Variants in HHAT observed in about 807,000 individuals in gnomAD.
The protein encoded by HHAT is hedgehog acyltransferase, also known as protein-cysteine N-palmitoyltransferase HHAT.
A neutral mutation model predicts 70.8 loss-of-function variants in HHAT; 47 were observed. The ratio of observed to expected loss-of-function variants is 0.66; its 90% CI spans 0.53 to 0.85. The LOEUF is 0.85. Among genes scored for constraint, HHAT ranks in the 40% least tolerant of loss-of-function variants. HHAT has a pLI of 0.00. For synonymous variants in HHAT, 228 were observed against 247.6 expected (o/e 0.92, Z 0.74); for missense variants, 609 against 604.8 (o/e 1.01, Z -0.07).
chr1:210,507,096 C>G (rs1288616916), intron 8 of HHAT, among the ~76,000 whole-genome samples: 1 of 152,098 alleles, frequency 6.6e-6, no homozygotes, highest in Non-Finnish European at 1.5e-5. Context: ...GGAAAAAGCA[C>G]AGACATTGGT....
rs1017346354 is a variant in HHAT at position 210,675,712 on chromosome 1, C to G, written c.*1333C>G. On this transcript the variant is annotated 3_prime_UTR_variant, in exon 12 of 12. Coordinates refer to ENST00000261458, the MANE Select transcript of HHAT (RefSeq NM_018194.6). ...AGTACAGGACCATTTTGTTGATTGT[C>G]TTTCTTCATAGCTTCTCTGCTTGGC... 6.6e-6 allele frequency: 1 copy of G among 152,120 alleles called. No individual in the cohort carries two copies. The highest frequency in any genetic ancestry group is 2.4e-5 in the African/African-American group (1 of 41,406). 9.4% of individuals were successfully genotyped at this position (152,120 alleles called of 1,614,324 possible). A position where few individuals can be genotyped will look rare whatever the true frequency, so the allele number is the denominator to read the frequency against.
intron 10 of HHAT, among the ~76,000 whole-genome samples, chr1:210,611,875 A>G (rs982537184): frequency 1.3e-5 from 2 of 152,146 alleles, no homozygotes; most frequent in Admixed American, 1.3e-4. Context: ...TGTGGTGCAT[A>G]AGCTTTTTGA....
intron 11 of HHAT, among the ~76,000 whole-genome samples, chr1:210,624,611 C>G (rs1368023780): frequency 6.6e-6 from 1 of 152,156 alleles, no homozygotes; most frequent in Non-Finnish European, 1.5e-5. Context: ...AATAGATAAT[C>G]TGAATATCCA....
chr1:210,565,200 G>A (rs114139217), intron 9 of HHAT, among the ~76,000 whole-genome samples: 8,990 of 152,172 alleles, frequency 0.059, 844 homozygotes, highest in African/African-American at 0.2. Flanking sequence ...GACATGTGCC[G>A]ATGGTGATAA....
intron 11 of HHAT, among the ~76,000 whole-genome samples, chr1:210,664,255 G>C (rs958512788): frequency 3.3e-5 from 5 of 152,336 alleles, no homozygotes; most frequent in African/African-American, 1.2e-4. Context: ...TGCAGGCTTA[G>C]GGCCATTTGA....
At chr1:210,614,811 T>C (rs1382889408) in intron 10 of HHAT, among the ~76,000 whole-genome samples, 2 of 152,252 alleles carry the variant, frequency 1.3e-5, no homozygotes, top group African/African-American at 4.8e-5. Flanking sequence ...CAGCCTATCA[T>C]TGTTGGACAT....
intron 4 of HHAT, among the ~76,000 whole-genome samples, chr1:210,395,744 A>G (rs926644022): frequency 4.6e-5 from 7 of 152,196 alleles, no homozygotes; most frequent in African/African-American, 1.7e-4. Context: ...AGGTTTTCAC[A>G]TTATTGGGTT....
At chr1:210,528,365 GAGTGATGGGCAC>G (rs1273761521) in intron 9 of HHAT, among the ~76,000 whole-genome samples, 1 of 152,220 alleles carries the variant, frequency 6.6e-6, no homozygotes, top group Non-Finnish European at 1.5e-5. Flanking sequence ...CGGGCGCTAA[GAGTGATGGGCAC>G]AGTGAGGCTG....
At chr1:210,641,891 C>T (rs760209821) in intron 11 of HHAT, among the ~76,000 whole-genome samples, 1 of 152,256 alleles carries the variant, frequency 6.6e-6, no homozygotes, top group Non-Finnish European at 1.5e-5. Flanking sequence ...ACCCTTCTTA[C>T]ACCCTCTTCC....
chr1:210,417,814 A>G (rs531660453), intron 6 of HHAT, among the ~76,000 whole-genome samples: 12 of 152,212 alleles, frequency 7.9e-5, no homozygotes, highest in African/African-American at 2.9e-4. Flanking sequence ...CCGAAACTCC[A>G]AATTCCCAGT....
At chr1:210,386,654 G>C (rs1420935385) in intron 3 of HHAT, among the ~76,000 whole-genome samples, 1 of 152,126 alleles carries the variant, frequency 6.6e-6, no homozygotes, top group Non-Finnish European at 1.5e-5. Flanking sequence ...CCTGTTTCAG[G>C]GTGACCGATG....
chr1:210,576,413 C>A (rs1657754649), intron 9 of HHAT, among the ~76,000 whole-genome samples: 1 of 151,512 alleles, frequency 6.6e-6, no homozygotes, highest in South Asian at 2.1e-4. Flanking sequence ...CCAAAAGTTT[C>A]CCTGTACCCC....
At chr1:210,333,744 G>A (rs758336248) in intron 1 of HHAT, among the ~76,000 whole-genome samples, 10 of 151,502 alleles carry the variant, frequency 6.6e-5, no homozygotes, top group Middle Eastern at 6.8e-3. Flanking sequence ...TGCAACCTTC[G>A]CCTCCCGAGT....
intron 3 of HHAT, among the ~76,000 whole-genome samples, chr1:210,365,309 G>GTTTTT (rs4027290): frequency 0.051 from 3,980 of 78,308 alleles, 680 homozygotes; most frequent in African/African-American, 0.084. Flanking sequence ...ACTGCTGACA[G>GTTTTT]TTTTTTTTTT....
intron 8 of HHAT, 80 bp from the exon 9 acceptor site, chr1:210,513,073 A>G: frequency 1.2e-6 from 1 of 851,354 alleles, no homozygotes; most frequent in Non-Finnish European, 1.9e-6. Context: ...TATGAATTTA[A>G]ATTATAAATA....
intron 9 of HHAT, among the ~76,000 whole-genome samples, chr1:210,571,296 C>T (rs1573413082): frequency 6.6e-6 from 1 of 152,268 alleles, no homozygotes; most frequent in Non-Finnish European, 1.5e-5. Flanking sequence ...ACACATGCAG[C>T]CTGGGTAAAT....
intron 11 of HHAT, among the ~76,000 whole-genome samples, chr1:210,635,750 G>A (rs921892962): frequency 2.2e-4 from 34 of 152,164 alleles, no homozygotes; most frequent in African/African-American, 7.7e-4. Flanking sequence ...TTTGGAGAAA[G>A]AATGGTCACT....
At chr1:210,492,482 T>C (rs1490526199) in intron 8 of HHAT, among the ~76,000 whole-genome samples, 7 of 152,070 alleles carry the variant, frequency 4.6e-5, no homozygotes, top group Non-Finnish European at 1.5e-5. Flanking sequence ...TGAAGGCACT[T>C]TGAGAGATAC....
chr1:210,532,316 T>G (rs534012948), intron 9 of HHAT, among the ~76,000 whole-genome samples: 6 of 152,206 alleles, frequency 3.9e-5, no homozygotes, highest in African/African-American at 1.4e-4. Flanking sequence ...AATGCAGATA[T>G]GTATTGTTTC....
Sources: gnomAD v4.1 joint callset for allele counts (sites outside exome capture counted in the v4.1 genomes callset) on GRCh38, gnomAD v4.1.1 for gene constraint, MANE v1.5 for transcripts, NCBI Gene and HGNC (gene_info 2026-07-23, HGNC 2026-07-21) for gene names.